The following FAM228B variants were observed in gnomAD, a reference collection of about 807,000 sequenced individuals.
The protein encoded by FAM228B is family with sequence similarity 228 member B.
Under a neutral mutation model 42.6 loss-of-function variants are expected in FAM228B, and 38 were observed. The observed-to-expected ratio is 0.89, with a 90% CI of 0.69 to 1.17. The LOEUF (loss-of-function observed/expected upper bound fraction) is 1.17. Among genes scored for constraint, FAM228B ranks in the 50% most tolerant of loss-of-function variants. The pLI is 0.00. For missense variants in FAM228B, 344 were observed against 367.3 expected (o/e 0.94, Z 0.52); for synonymous variants, 109 against 122.3 (o/e 0.89, Z 0.72).
intron 3 of FAM228B, among the ~76,000 whole-genome samples, chr2:24,101,957 C>T (rs1228515486): frequency 6.6e-6 from 1 of 152,196 alleles, no homozygotes; most frequent in African/African-American, 2.4e-5. Flanking sequence ...GCTGGGATTA[C>T]AGGCGTGAGC....
intron 2 of FAM228B, among the ~76,000 whole-genome samples, chr2:24,093,620 A>ATT (rs34596881): frequency 0.013 from 1,856 of 145,764 alleles, 25 homozygotes; most frequent in African/African-American, 0.04. Context: ...ATATGTGTGC[A>ATT]TTTTTTTTTT....
At chr2:24,087,371 T>C (rs1665283813) in intron 2 of FAM228B, 1 of 152,184 alleles carries the variant, frequency 6.6e-6, no homozygotes, top group South Asian at 2.1e-4. Context: ...TGAGCCACTC[T>C]GCCTGGCCAA....
At chr2:24,165,470 A>T (rs926091002) in intron 9 of FAM228B, 1 of 470,970 alleles carries the variant, frequency 2.1e-6, no homozygotes, top group Non-Finnish European at 4.4e-6. Context: ...ATCTCCAAGG[A>T]TCCTCAGGTC....
At chr2:24,139,244 C>T in intron 4 of FAM228B, 126 bp from the exon 5 acceptor site, 1 of 442,702 alleles carries the variant, frequency 2.3e-6, no homozygotes, top group Non-Finnish European at 4.0e-6. Context: ...TTTCTTTTTG[C>T]ATTTGTCACT....
At chr2:24,097,057 T>C (rs1294766573) in intron 3 of FAM228B, 3 of 152,068 alleles carry the variant, frequency 2.0e-5, no homozygotes, top group Non-Finnish European at 4.4e-5. Context: ...ATAAAATCCT[T>C]TACAGACAAG....
intron 9 of FAM228B, chr2:24,166,376 T>TC (rs1667415350): frequency 6.6e-6 from 1 of 152,076 alleles, no homozygotes; most frequent in Non-Finnish European, 1.5e-5. Flanking sequence ...TCTCTCCATT[T>TC]CCCCACTCCT....
In FAM228B at chr2:24,084,291, C is replaced by T. The variant is rs1279300641; in HGVS notation, c.-210+3336C>T. On this transcript the variant is annotated intron_variant, in intron 2 of 10. Coordinates refer to the FAM228B transcript ENST00000613899. This position sits in a 1 kb window ranked among gnomAD's most constrained non-coding sequence, Gnocchi z 8.4. ...CCACCTCCTTCACGTAGAGGTTTTC[C>T]GGTCCTCCCGGCTTGTCAAAGTGCA... The T allele has an allele frequency of 1.2e-6, 2 of 1,614,042 alleles. No homozygotes were observed. The highest frequency in any genetic ancestry group is 8.5e-7 in the Non-Finnish European group (1 of 1,179,988).
chr2:24,089,691 G>T (rs532906079), intron 2 of FAM228B, among the ~76,000 whole-genome samples: 2 of 152,284 alleles, frequency 1.3e-5, no homozygotes, highest in African/African-American at 4.8e-5. Context: ...AGTCACAACC[G>T]AGGAAGAAAT....
At chr2:24,106,585 G>T (rs1293589838) in intron 3 of FAM228B, among the ~76,000 whole-genome samples, 1 of 152,016 alleles carries the variant, frequency 6.6e-6, no homozygotes, top group Non-Finnish European at 1.5e-5. Context: ...CTCCCAAAGT[G>T]CTGGGATTAC....
At chr2:24,120,896 G>A (rs552178760), upstream of FAM228B, among the ~76,000 whole-genome samples, 1 of 150,700 alleles carries the variant, frequency 6.6e-6, no homozygotes, top group South Asian at 2.1e-4. Context: ...TTTAAAGGAG[G>A]ATGTAGAGTA....
At chr2:24,126,990 A>C (rs2151013838) in intron 2 of FAM228B, among the ~76,000 whole-genome samples, 1 of 152,012 alleles carries the variant, frequency 6.6e-6, no homozygotes, top group Admixed American at 6.6e-5. Flanking sequence ...CAGAATTTTT[A>C]TTTTCAGTGT....
chr2:24,119,639 A>T (rs1199752820), upstream of FAM228B: 1 of 1,613,734 alleles, frequency 6.2e-7, no homozygotes, highest in Non-Finnish European at 8.5e-7. Context: ...AGTTGCTACC[A>T]GAAGATACAG....
chr2:24,122,001 A>G (rs1463659523), upstream of FAM228B, among the ~76,000 whole-genome samples: 1 of 152,164 alleles, frequency 6.6e-6, no homozygotes, highest in Non-Finnish European at 1.5e-5. Flanking sequence ...GAAACCTAAA[A>G]TATTTATGTA....
At position 24,106,814 on chromosome 2, in the gene FAM228B, C is replaced by T. The variant is rs146629267; in HGVS notation, c.-121+11585C>T. Among the ~76,000 whole-genome samples, 120 of 152,030 alleles carry T rather than the reference C, an allele frequency of 7.9e-4. 1 individual carries two copies. Among genetic ancestry groups the T allele is most frequent in the African/African-American group, 2.4e-3 (101 of 41,434 alleles). On this transcript the variant is annotated intron_variant, in intron 3 of 10. Coordinates refer to the FAM228B transcript ENST00000613899. ...TATGGATGGGAAAGACCATGACTAG[C>T]CATTACAAAAACACACTTAAGTAGA...
At chr2:24,081,833 C>T (rs1271940854) in intron 2 of FAM228B, among the ~76,000 whole-genome samples, 3 of 151,580 alleles carry the variant, frequency 2.0e-5, no homozygotes, top group African/African-American at 7.3e-5. Context: ...GTAGCTGGGA[C>T]TACAGGTGCC....
chr2:24,115,083 C>T (rs994072369), intron 3 of FAM228B, among the ~76,000 whole-genome samples: 1 of 152,180 alleles, frequency 6.6e-6, no homozygotes, highest in Non-Finnish European at 1.5e-5. Flanking sequence ...AGACAGATGT[C>T]ACACATGCAG....
At chr2:24,078,276 T>C (rs11883704) in intron 1 of FAM228B, among the ~76,000 whole-genome samples, 380 of 152,224 alleles carry the variant, frequency 2.5e-3, no homozygotes, top group African/African-American at 8.9e-3. Flanking sequence ...TTATTGTTCT[T>C]TGTCTAAAAA....
intron 3 of FAM228B, among the ~76,000 whole-genome samples, chr2:24,100,123 T>C (rs973154426): frequency 1.3e-5 from 2 of 152,100 alleles, no homozygotes; most frequent in African/African-American, 4.8e-5. Flanking sequence ...TAATTCAAGA[T>C]GGATTAAAGA....
chr2:24,083,287 AAGG>A (rs1031101374), intron 2 of FAM228B: 1 of 1,180,768 alleles, frequency 8.5e-7, no homozygotes, highest in East Asian at 2.5e-5. Context: ...TTTTGTAAGT[AAGG>A]AGAAGAAAAA....
Sources: gnomAD v4.1 joint callset for allele counts (sites outside exome capture counted in the v4.1 genomes callset) on GRCh38, gnomAD v4.1.1 for gene constraint, Gnocchi (gnomAD v3.1) non-coding constraint, MANE v1.5 for transcripts, NCBI Gene and HGNC (gene_info 2026-07-23, HGNC 2026-07-21) for gene names.